Variants in MAGI2 observed in about 807,000 individuals in gnomAD.
The protein encoded by MAGI2 is membrane associated guanylate kinase, WW and PDZ domain containing 2, also known as membrane-associated guanylate kinase, WW and PDZ domain-containing protein 2.
A neutral mutation model predicts 133.3 loss-of-function variants in MAGI2; 35 were observed. The ratio of observed to expected loss-of-function variants is 0.26; its 90% confidence interval spans 0.20 to 0.35. The LOEUF (loss-of-function observed/expected upper bound fraction) is 0.35. MAGI2 is among the 10% of genes least tolerant of loss of function. The pLI, the probability that MAGI2 is intolerant of heterozygous loss-of-function variation, is 1.00. For missense variants in MAGI2, 1,636 were observed against 1,863.4 expected (o/e 0.88, Z 2.25); for synonymous variants, 729 against 710.6 (o/e 1.03, Z -0.41).
intron 7 of MAGI2, among the ~76,000 whole-genome samples, chr7:78,362,288 C>T (rs892068101): frequency 2.0e-5 from 3 of 151,966 alleles, no homozygotes; most frequent in Non-Finnish European, 2.9e-5. Context: ...GGAGACAGAG[C>T]GAGACTCTGT....
intron 21 of MAGI2, among the ~76,000 whole-genome samples, chr7:78,044,732 A>C (rs1462550582): frequency 6.7e-6 from 1 of 149,016 alleles, no homozygotes; most frequent in Non-Finnish European, 1.5e-5. Flanking sequence ...GTTGGCTCCC[A>C]CTGAGAGATG....
intron 2 of MAGI2, among the ~76,000 whole-genome samples, chr7:78,866,442 C>G (rs1794561577): frequency 6.6e-6 from 1 of 151,980 alleles, no homozygotes; most frequent in Admixed American, 6.6e-5. Context: ...GGGAGGGAAA[C>G]ATGTTTTCTA....
chr7:79,320,205 T>C (rs1839068218), intron 1 of MAGI2, among the ~76,000 whole-genome samples: 1 of 152,070 alleles, frequency 6.6e-6, no homozygotes, highest in African/African-American at 2.4e-5. Context: ...TTCCCATATA[T>C]ACAAAAAATC....
At chr7:79,216,548 C>T (rs943790818) in intron 1 of MAGI2, among the ~76,000 whole-genome samples, 1 of 151,950 alleles carries the variant, frequency 6.6e-6, no homozygotes, top group Non-Finnish European at 1.5e-5. Context: ...GTTGCAGGCA[C>T]CTACCCCTAG....
chr7:78,090,311 T>C (rs1817061074), intron 20 of MAGI2, among the ~76,000 whole-genome samples: 1 of 152,238 alleles, frequency 6.6e-6, no homozygotes. Context: ...TACTCAATTA[T>C]AAACTCTTGG....
chr7:78,147,730 C>G (rs373297734), intron 16 of MAGI2, among the ~76,000 whole-genome samples: 1 of 151,696 alleles, frequency 6.6e-6, no homozygotes, highest in South Asian at 2.1e-4. Context: ...TAGAGAAAAA[C>G]GCAAACTAAA....
chr7:78,417,764 T>C (rs1798434959), intron 6 of MAGI2, among the ~76,000 whole-genome samples: 1 of 152,156 alleles, frequency 6.6e-6, no homozygotes, highest in Admixed American at 6.6e-5. Context: ...GTTGGATAAA[T>C]TGTCTACAGC....
chr7:79,443,281 T>TGC (rs777517582), intron 1 of MAGI2, among the ~76,000 whole-genome samples: 818 of 69,070 alleles, frequency 0.012, 6 homozygotes, highest in African/African-American at 0.02. Context: ...TGTGTGTGTG[T>TGC]GTGCGTGTGT....
At chr7:79,132,940 G>A (rs1410854037) in intron 1 of MAGI2, among the ~76,000 whole-genome samples, 3 of 151,948 alleles carry the variant, frequency 2.0e-5, no homozygotes, top group Non-Finnish European at 4.4e-5. Flanking sequence ...TTGGCCATTT[G>A]TATATATTCT....
intron 1 of MAGI2, among the ~76,000 whole-genome samples, chr7:79,288,381 T>A (rs1836194697): frequency 2.0e-5 from 3 of 152,210 alleles, no homozygotes; most frequent in African/African-American, 7.2e-5. Flanking sequence ...ATTAACTATA[T>A]ATTATGAACA....
At chr7:79,197,262 C>T (rs75689956) in intron 1 of MAGI2, among the ~76,000 whole-genome samples, 2,395 of 151,972 alleles carry the variant, frequency 0.016, 84 homozygotes, top group African/African-American at 0.054. Flanking sequence ...TTTTGACTGA[C>T]TTACCAATTA....
chr7:78,743,028 A>G (rs1822577135), intron 2 of MAGI2, among the ~76,000 whole-genome samples: 1 of 152,210 alleles, frequency 6.6e-6, no homozygotes, highest in Admixed American at 6.5e-5. Context: ...TGGGACCACA[A>G]CTGTGTGAGT....
At chr7:79,070,685 G>A (rs1462327158) in intron 1 of MAGI2, among the ~76,000 whole-genome samples, 3 of 151,670 alleles carry the variant, frequency 2.0e-5, no homozygotes, top group African/African-American at 7.3e-5. Flanking sequence ...TAGAGACGGG[G>A]TTTCACTGTG....
chr7:79,193,456 T>A (rs940746183), intron 1 of MAGI2, among the ~76,000 whole-genome samples: 1 of 151,918 alleles, frequency 6.6e-6, no homozygotes, highest in Non-Finnish European at 1.5e-5. Flanking sequence ...CTAGTAAGAA[T>A]GAAATACATA....
chr7:78,860,627 C>T (rs1794078916), intron 2 of MAGI2, among the ~76,000 whole-genome samples: 1 of 152,222 alleles, frequency 6.6e-6, no homozygotes, highest in East Asian at 1.9e-4. Context: ...GAGGGGCCCC[C>T]GGCTGTATGA....
At chr7:78,518,492 G>C (rs1796223710) in intron 4 of MAGI2, 1 of 152,026 alleles carries the variant, frequency 6.6e-6, no homozygotes. Flanking sequence ...CTATAATGAG[G>C]TTAGGCCACT....
At chr7:78,324,521 C>T (rs1398202564) in intron 9 of MAGI2, among the ~76,000 whole-genome samples, 1 of 152,046 alleles carries the variant, frequency 6.6e-6, no homozygotes, top group Non-Finnish European at 1.5e-5. Context: ...ATAATTATAC[C>T]TATCCTACAG....
Position 78,498,612 on chromosome 7 carries a change from G to A in MAGI2, c.965+2965C>T, listed in dbSNP as rs143223699. Among the ~76,000 whole-genome samples the A allele has an allele frequency of 2.5e-4, 38 of 152,266 alleles. 1 individual carries two copies. Among genetic ancestry groups the A allele is most frequent in the African/African-American group, 7.0e-4 (29 of 41,546 alleles). ...GAGAGAGGAAACTGCAACGTTGTTG[G>A]TGGTGATGGTATGGACATGAAGGAC... On this transcript the variant is annotated intron_variant, in intron 5 of 21. Transcript: ENST00000354212.
intron 2 of MAGI2, among the ~76,000 whole-genome samples, chr7:78,655,104 A>G (rs975247620): frequency 6.6e-6 from 1 of 151,904 alleles, no homozygotes; most frequent in African/African-American, 2.4e-5. Context: ...CATAAATATA[A>G]TATACCTACT....
Sources: gnomAD v4.1 joint callset for allele counts (sites outside exome capture counted in the v4.1 genomes callset) on GRCh38, gnomAD v4.1.1 for gene constraint, MANE v1.5 for transcripts, NCBI Gene and HGNC (gene_info 2026-07-23, HGNC 2026-07-21) for gene names.